UGGT2: variants seen among roughly 807,000 people sequenced by gnomAD.
The protein encoded by UGGT2 is UDP-glucose:glycoprotein glucosyltransferase 2.
A neutral mutation model predicts 192.1 loss-of-function variants in UGGT2; 180 were observed. The ratio of observed to expected loss-of-function variants is 0.94; its 90% confidence interval spans 0.83 to 1.06. The LOEUF (loss-of-function observed/expected upper bound fraction) is 1.06. UGGT2 is among the 50% of genes least tolerant of loss of function. UGGT2 has a pLI of 0.00. For missense variants in UGGT2, 1,849 were observed against 1,795.7 expected (o/e 1.03, Z -0.54); for synonymous variants, 580 against 591.0 (o/e 0.98, Z 0.27).
In UGGT2 at chr13:95,947,146, G is replaced by C. The variant is rs770961346; in HGVS notation, c.1568C>G (p.Thr523Arg). The C allele has an allele frequency of 1.9e-6, 3 of 1,605,558 alleles. No homozygotes were observed. Among genetic ancestry groups the C allele is most frequent in the Middle Eastern group, 1.7e-4 (1 of 6,014 alleles). ...ATTTGCTCCATCAACTTCATCATCT[G>C]TATTAAGAATGAACACAAAACCAAT... ...LRIGFVFILN[T>R]DDEVDGANDA... Residue 523 changes from threonine (T) to arginine (R), a missense_variant, in exon 15 of 39, where the codon ACA becomes AGA. Physicochemically the swap from Thr to Arg is moderately conservative, Grantham distance 71 (BLOSUM62 -1). Coordinates refer to ENST00000376747, the MANE Select transcript of UGGT2 (RefSeq NM_020121.4).
At chr13:95,824,901 C>G (rs1469469256) in intron 38 of UGGT2, among the ~76,000 whole-genome samples, 1 of 152,010 alleles carries the variant, frequency 6.6e-6, no homozygotes, top group Non-Finnish European at 1.5e-5. Context: ...TTTGGGTATA[C>G]TATTTCTTCT....
chr13:96,053,313 G>A lies in UGGT2; in HGVS notation c.-1C>T, dbSNP rs780916083. The stretch of plus-strand genomic sequence containing the variant: ...CGTTCGTGGCTTTCGCTGGCGCCAT[G>A]GCACGGAGAGAAAAGCGCGAGTCCC... On this transcript the variant is annotated 5_prime_UTR_variant, in exon 1 of 39. Coordinates refer to ENST00000376747, the MANE Select transcript of UGGT2 (RefSeq NM_020121.4). The A allele has an allele frequency of 4.4e-6, 7 of 1,580,164 alleles. No individual in the cohort carries two copies. In the East Asian group the frequency reaches 1.2e-4, roughly 26 times the overall value.
At chr13:95,807,735 T>TTTTTTTTTTTTTTTTTTG in intron 38 of UGGT2, among the ~76,000 whole-genome samples, 1 of 145,472 alleles carries the variant, frequency 6.9e-6, no homozygotes, top group Non-Finnish European at 1.5e-5. Context: ...TTTTTTTTTT[T>TTTTTTTTTTTTTTTTTTG]GCCGTATTCA....
At chr13:95,999,774 C>G (rs2051740298) in intron 5 of UGGT2, among the ~76,000 whole-genome samples, 2 of 151,832 alleles carry the variant, frequency 1.3e-5, no homozygotes, top group African/African-American at 4.8e-5. Flanking sequence ...GCAAAGGAGA[C>G]AAAAAAAGTT....
intron 34 of UGGT2, among the ~76,000 whole-genome samples, chr13:95,855,327 T>C (rs1332400586): frequency 6.6e-6 from 1 of 151,860 alleles, no homozygotes; most frequent in Non-Finnish European, 1.5e-5. Flanking sequence ...ACATAAATTC[T>C]AACTTATCCA....
intron 27 of UGGT2, 95 bp from the exon 28 acceptor site, chr13:95,877,951 A>C (rs1051929458): frequency 5.4e-6 from 7 of 1,303,652 alleles, no homozygotes; most frequent in Non-Finnish European, 6.2e-6. Context: ...ATATTGGCCA[A>C]TGTATTTTGG....
In UGGT2 at chr13:95,856,348, C is replaced by G. The variant is rs917541127; in HGVS notation, c.3826-8G>C. The G allele has an allele frequency of 6.3e-7, 1 of 1,595,000 alleles. No individual in the cohort carries two copies. Among genetic ancestry groups the G allele is most frequent in the Non-Finnish European group, 8.5e-7 (1 of 1,175,404 alleles). On this transcript the variant is annotated splice_polypyrimidine_tract_variant and splice_region_variant and intron_variant, in intron 33 of 38. Transcript: ENST00000376747. ...CATGTGAGGAATTACTTCCTAAAAACACACACACAAAATCAAACAATATGT... is the reference window on the plus strand; with the variant it reads ...CATGTGAGGAATTACTTCCTAAAAAGACACACACAAAATCAAACAATATGT...
At chr13:95,960,108 C>A (rs958559498) in intron 12 of UGGT2, among the ~76,000 whole-genome samples, 1 of 152,198 alleles carries the variant, frequency 6.6e-6, no homozygotes, top group Non-Finnish European at 1.5e-5. Flanking sequence ...AGGAAAAAGT[C>A]TTCCCCTAAC....
At chr13:95,976,145 C>T (rs557283786) in intron 10 of UGGT2, among the ~76,000 whole-genome samples, 8 of 152,272 alleles carry the variant, frequency 5.3e-5, no homozygotes, top group Non-Finnish European at 1.5e-5. Flanking sequence ...TCCATGAGAT[C>T]AGTGTTTTTA....
intron 15 of UGGT2, among the ~76,000 whole-genome samples, chr13:95,943,465 A>C (rs2049759636): frequency 6.6e-6 from 1 of 151,936 alleles, no homozygotes; most frequent in South Asian, 2.1e-4. Context: ...TAAATGTAGG[A>C]GTCATTACAG....
At position 96,031,951 on chromosome 13, in the gene UGGT2, C is replaced by T. The variant is rs2052848800; in HGVS notation, c.179G>A (p.Ser60Asn). Residue 60 changes from serine (S) to asparagine (N), a missense_variant, in exon 2 of 39, where the codon AGT becomes AAT. Ser to Asn is a conservative substitution (Grantham distance 46). Transcript: ENST00000376747. ...LEASEFMAEESNEKFWQFLET... is the reference protein window; with the variant it reads ...LEASEFMAEENNEKFWQFLET... ...CAAAAACTGCCAAAATTTTTCATTA[C>T]TTTCTTCTGCCATAAATTCACTATT... 1.9e-6 allele frequency: 3 copies of T among 1,610,334 alleles called. No individual in the cohort carries two copies. In the African/African-American group the frequency reaches 4.0e-5, roughly 21 times the overall value.
intron 36 of UGGT2, among the ~76,000 whole-genome samples, chr13:95,852,126 T>C (rs1054958320): frequency 2.0e-5 from 3 of 152,190 alleles, no homozygotes; most frequent in African/African-American, 7.2e-5. Context: ...GAATAACTCA[T>C]TCATATTTTG....
chr13:95,832,334 T>C (rs1238289154), intron 38 of UGGT2, among the ~76,000 whole-genome samples: 3 of 152,050 alleles, frequency 2.0e-5, no homozygotes, highest in African/African-American at 4.8e-5. Context: ...ATCAAGAAGT[T>C]TGTATCAGCT....
At chr13:96,022,215 C>T (rs990333395) in intron 4 of UGGT2, among the ~76,000 whole-genome samples, 1 of 151,888 alleles carries the variant, frequency 6.6e-6, no homozygotes, top group Non-Finnish European at 1.5e-5. Flanking sequence ...TGGTTGGATT[C>T]TTACCTTTTG....
intron 35 of UGGT2, among the ~76,000 whole-genome samples, chr13:95,854,021 G>A (rs558630863): frequency 6.6e-6 from 1 of 152,202 alleles, no homozygotes; most frequent in South Asian, 2.1e-4. Context: ...TTAACTCTTA[G>A]CTCTGTTATA....
intron 26 of UGGT2, among the ~76,000 whole-genome samples, chr13:95,886,605 A>G (rs1003280798): frequency 1.6e-4 from 25 of 152,254 alleles, no homozygotes; most frequent in Non-Finnish European, 3.7e-4. Flanking sequence ...TTTAAAATAC[A>G]AAAGATAAAT....
Position 95,878,074 on chromosome 13 carries a change from C to T in UGGT2, c.3229-218G>A, listed in dbSNP as rs2047392521. 2.0e-5 allele frequency among the ~76,000 whole-genome samples: 3 copies of T among 151,696 alleles called. No homozygotes were observed. In the South Asian group the frequency reaches 6.2e-4, roughly 31 times the overall value. On this transcript the variant is annotated intron_variant, in intron 27 of 38. Transcript: ENST00000376747. ...TTCTTTTTCATGACATCAGCTTTAC[C>T]TGAACCTCATGGTATATGCACCAAT... is the stretch of plus-strand genomic sequence containing the variant.
chr13:96,045,686 C>T (rs1047104523), intron 1 of UGGT2, among the ~76,000 whole-genome samples: 5 of 152,138 alleles, frequency 3.3e-5, no homozygotes, highest in Non-Finnish European at 7.4e-5. Context: ...CTCTTATATA[C>T]CAACAGCGAC....
chr13:96,016,568 T>C (rs760433553), intron 4 of UGGT2, among the ~76,000 whole-genome samples: 30 of 152,210 alleles, frequency 2.0e-4, no homozygotes, highest in Non-Finnish European at 1.3e-4. Flanking sequence ...CATGGTCTCA[T>C]GTCTGCAGAT....
Sources: gnomAD v4.1 joint callset for allele counts (sites outside exome capture counted in the v4.1 genomes callset) on GRCh38, gnomAD v4.1.1 for gene constraint, MANE v1.5 for transcripts, NCBI Gene and HGNC (gene_info 2026-07-23, HGNC 2026-07-21) for gene names.